Variants in EIF3F observed in about 807,000 individuals in gnomAD.
The protein encoded by EIF3F is eukaryotic translation initiation factor 3 subunit F.
Under a neutral mutation model 36.0 loss-of-function variants are expected in EIF3F, and 8 were observed. That is an observed-to-expected ratio of 0.22 (90% confidence interval 0.13 to 0.40). EIF3F has a LOEUF of 0.40. Ranked by LOEUF, EIF3F falls within the 10% of genes least tolerant of loss-of-function variation. EIF3F has a pLI of 1.00. For missense variants in EIF3F, 430 were observed against 467.6 expected (o/e 0.92, Z 0.74); for synonymous variants, 184 against 188.5 (o/e 0.98, Z 0.19).
At chr11:7,995,693 A>AC (rs905696046) in intron 7 of EIF3F, 6 of 587,630 alleles carry the variant, frequency 1.0e-5, no homozygotes, top group African/African-American at 1.9e-5. Context: ...GAGTTCACAG[A>AC]CCCCCTATAT....
chr11:7,992,866 C>T, intron 3 of EIF3F, 21 bp from the exon 4 acceptor site: 1 of 1,613,724 alleles, frequency 6.2e-7, no homozygotes, highest in African/African-American at 1.3e-5. Context: ...CAGGAGTCCA[C>T]CACTGTGTTC....
chr11:7,987,406 C>A lies in EIF3F; in HGVS notation c.54C>A (p.Val18=). Residue 18 remains valine, a synonymous_variant, in exon 1 of 8, where the codon GTC becomes GTA. Transcript: ENST00000651655. ...CTCCTCCGGCCACGCCAACCCCAGT[C>A]CCGGCGGCGGCCCCAGCCTCAGTTC... ...VSAPPATPTP[V]PAAAPASVPA... is the part of the protein sequence containing the mutation. 1 of 1,600,880 alleles carries A rather than the reference C, an allele frequency of 6.2e-7. No individual in the cohort carries two copies. The highest frequency in any genetic ancestry group is 8.5e-7 in the Non-Finnish European group (1 of 1,179,466).
In EIF3F at chr11:7,998,369, G is replaced by A. The variant is rs1307366508; in HGVS notation, c.*2347G>A. 2.0e-5 allele frequency: 3 copies of A among 152,224 alleles called. No homozygotes were observed. Among genetic ancestry groups the A allele is most frequent in the Non-Finnish European group, 4.4e-5 (3 of 68,054 alleles). The allele number at this position is 152,224 out of a possible 1,614,324, so 9.4% of individuals were successfully genotyped here. On this transcript the variant is annotated 3_prime_UTR_variant, in exon 8 of 8. Transcript: ENST00000651655. ...AATGAAGCTTACCTCAGTTTCTCCAGGCGGCACATCACAGTCTTCTTGCAC... is the reference window on the plus strand; with the variant it reads ...AATGAAGCTTACCTCAGTTTCTCCAAGCGGCACATCACAGTCTTCTTGCAC...
rs1258109673 is a variant in EIF3F at position 7,998,929 on chromosome 11, A to C, written c.*2907A>C. On this transcript the variant is annotated 3_prime_UTR_variant, in exon 8 of 8. Transcript: ENST00000651655. The stretch of plus-strand genomic sequence containing the variant: ...TATTACTTAGCGTTATTCTAGACTT[A>C]TTAGCCATTGTATTTAAACAAGAGG... 6.6e-6 allele frequency: 1 copy of C among 152,156 alleles called. No homozygotes were observed. Among genetic ancestry groups the C allele is most frequent in the African/African-American group, 2.4e-5 (1 of 41,438 alleles). The allele number at this position is 152,156 out of a possible 1,614,324, so 9.4% of individuals were successfully genotyped here.
chr11:7,991,003 T>A (rs1285192411), intron 1 of EIF3F, among the ~76,000 whole-genome samples: 5 of 152,024 alleles, frequency 3.3e-5, no homozygotes, highest in Admixed American at 3.3e-4. Context: ...AAGACCAGCC[T>A]GGCCAACATG....
At position 7,992,469 on chromosome 11, in the gene EIF3F, G is replaced by A. The variant is rs538412970; in HGVS notation, c.515+306G>A. On this transcript the variant is annotated intron_variant, in intron 3 of 7. Coordinates refer to ENST00000651655, the MANE Select transcript of EIF3F (RefSeq NM_003754.3). ...CACCTATAGTCCTAGCTATTCAGGAGGCTGAGGCTAGAGGATCACTTGAGG... is the reference window on the plus strand; with the variant it reads ...CACCTATAGTCCTAGCTATTCAGGAAGCTGAGGCTAGAGGATCACTTGAGG... 7.2e-4 allele frequency: 317 copies of A among 441,798 alleles called. 2 individuals carry two copies. Among genetic ancestry groups the A allele is most frequent in the Admixed American group, 1.7e-3 (42 of 25,082 alleles). 27.4% of individuals were successfully genotyped at this position (441,798 alleles called of 1,614,324 possible).
At chr11:7,990,651 G>T (rs1362834027) in intron 1 of EIF3F, among the ~76,000 whole-genome samples, 1 of 152,138 alleles carries the variant, frequency 6.6e-6, no homozygotes, top group African/African-American at 2.4e-5. Context: ...ATAAGATAAA[G>T]GATATATGTG....
intron 5 of EIF3F, 124 bp from the exon 6 acceptor site, chr11:7,994,858 C>G: frequency 7.1e-7 from 1 of 1,401,192 alleles, no homozygotes; most frequent in Non-Finnish European, 9.8e-7. Context: ...CAGACTGAGT[C>G]TAAGGGGAGT....
At chr11:7,994,392 GGCCATCT>G (rs1328232877) in intron 4 of EIF3F, 27 bp from the exon 5 acceptor site, 1 of 1,593,252 alleles carries the variant, frequency 6.3e-7, no homozygotes, top group Admixed American at 1.7e-5. Context: ...CCTCTCCCAA[GGCCATCT>G]GTTTACTTTG....
chr11:7,991,075 G>A (rs1054915838), intron 1 of EIF3F, among the ~76,000 whole-genome samples: 1 of 151,608 alleles, frequency 6.6e-6, no homozygotes, highest in African/African-American at 2.4e-5. Context: ...CGCACCTGTA[G>A]TCTCAGCTAC....
intron 5 of EIF3F, 44 bp downstream of exon 5, chr11:7,994,561 TC>T: frequency 6.4e-7 from 1 of 1,570,972 alleles, no homozygotes; most frequent in Non-Finnish European, 8.7e-7. Context: ...ATAGGCATTT[TC>T]AGGGAAGGGG....
chr11:7,994,885 T>G, intron 5 of EIF3F, 97 bp from the exon 6 acceptor site: 1 of 1,528,882 alleles, frequency 6.5e-7, no homozygotes. Flanking sequence ...ACAGAGTTAG[T>G]AGGACGTTAA....
Position 7,996,033 on chromosome 11 carries a change from A to G in EIF3F, c.*11A>G, listed in dbSNP as rs902515288. The G allele has an allele frequency of 1.4e-5, 23 of 1,613,388 alleles. No individual in the cohort carries two copies. Among genetic ancestry groups the G allele is most frequent in the Non-Finnish European group, 1.8e-5 (21 of 1,179,428 alleles). ...CTTGTAAACCTGTGAATGGACCCCA[A>G]GCAGTACACTTGCTGGTCTAGGTAT... On this transcript the variant is annotated 3_prime_UTR_variant, in exon 8 of 8. Transcript: ENST00000651655.
At position 7,997,814 on chromosome 11, in the gene EIF3F, C is replaced by T. The variant is rs900013320; in HGVS notation, c.*1792C>T. ...CCACATCTATGGACTCAACCAACTA[C>T]AGGTTGAAAATATTGAGGGGGAAAA... On this transcript the variant is annotated 3_prime_UTR_variant, in exon 8 of 8. Transcript: ENST00000651655. 18 of 152,162 alleles carry T rather than the reference C, an allele frequency of 1.2e-4. No homozygotes were observed. The highest frequency in any genetic ancestry group is 3.9e-4 in the African/African-American group (16 of 41,426). The allele number at this position is 152,162 out of a possible 1,614,324, so 9.4% of individuals were successfully genotyped here. A position where few individuals can be genotyped will look rare whatever the true frequency, so the allele number is the denominator to read the frequency against.
At chr11:7,994,747 A>G in intron 5 of EIF3F, 1 of 699,906 alleles carries the variant, frequency 1.4e-6, no homozygotes, top group Non-Finnish European at 2.4e-6. Flanking sequence ...CATACCATTC[A>G]CATGAGATCA....
chr11:7,988,769 A>C (rs896335997), intron 1 of EIF3F, among the ~76,000 whole-genome samples: 1 of 152,194 alleles, frequency 6.6e-6, no homozygotes, highest in Non-Finnish European at 1.5e-5. Flanking sequence ...CTTGGGGCAG[A>C]TTACCTAAAA....
rs1009940391 is a variant in EIF3F, at chr11:8,001,591, A to C, written c.*5569A>C. On this transcript the variant is annotated 3_prime_UTR_variant, in exon 8 of 8. Transcript: ENST00000651655. The stretch of plus-strand genomic sequence containing the variant: ...GTCCTCTATATATCAATATGGATAA[A>C]GAGTAAGTGAAAAAAGCCAGGAGAG... 2.0e-5 allele frequency: 3 copies of C among 152,204 alleles called. No homozygotes were observed. The highest frequency in any genetic ancestry group is 2.9e-5 in the Non-Finnish European group (2 of 68,040). The allele number at this position is 152,204 out of a possible 1,614,324, so 9.4% of individuals were successfully genotyped here. A position where few individuals can be genotyped will look rare whatever the true frequency, so the allele number is the denominator to read the frequency against.
chr11:7,995,770 T>C, intron 7 of EIF3F, 175 bp from the exon 8 acceptor site: 1 of 682,850 alleles, frequency 1.5e-6, no homozygotes, highest in Non-Finnish European at 2.6e-6. Flanking sequence ...AAGAAAGCCT[T>C]CTCAAGCATT....
rs1406954702 is a variant in EIF3F, at chr11:7,987,418, C to T, written c.66C>T (p.Ala22=). ...PATPTPVPAA[A]PASVPAPTPA... is the part of the protein sequence containing the mutation. ...CGCCAACCCCAGTCCCGGCGGCGGC[C>T]CCAGCCTCAGTTCCAGCGCCAACGC... is the stretch of plus-strand genomic sequence containing the variant. The change falls in exon 1 of 8, where the codon GCC becomes GCT. Residue 22 remains alanine, a synonymous_variant. Transcript: ENST00000651655. The T allele has an allele frequency of 6.2e-7, 1 of 1,601,790 alleles. No individual in the cohort carries two copies. The highest frequency in any genetic ancestry group is 8.5e-7 in the Non-Finnish European group (1 of 1,179,426).
Sources: allele counts gnomAD v4.1 joint callset (sites outside exome capture counted in the v4.1 genomes callset), GRCh38; gene constraint gnomAD v4.1.1; transcripts MANE v1.5; gene names NCBI Gene and HGNC (gene_info 2026-07-23, HGNC 2026-07-21).